Variants in SPMIP2 observed in about 807,000 individuals in gnomAD.
SPMIP2 encodes sperm microtubule inner protein 2.
At chr4:159,035,185 G>C in the SPMIP2 span, 1 of 1,040,618 alleles carries the variant, frequency 9.6e-7, no homozygotes, top group South Asian at 1.4e-5. Context: ...AGACTCTGCA[G>C]TCTTTCCTCT....
the SPMIP2 span, among the ~76,000 whole-genome samples, chr4:159,036,856 T>C: frequency 6.6e-6 from 1 of 152,162 alleles, no homozygotes; most frequent in Non-Finnish European, 1.5e-5. Flanking sequence ...GTTAATTAAT[T>C]CTGGTTCCTA....
the SPMIP2 span, chr4:158,907,207 A>G: frequency 6.6e-6 from 1 of 152,238 alleles, no homozygotes; most frequent in Admixed American, 6.5e-5. Context: ...TTTAGACATG[A>G]CAATGAAAAT....
At chr4:158,967,703 G>C in the SPMIP2 span, among the ~76,000 whole-genome samples, 1 of 152,176 alleles carries the variant, frequency 6.6e-6, no homozygotes, top group Non-Finnish European at 1.5e-5. Context: ...CAAGGTAAAT[G>C]AGAATTTGGG....
chr4:158,956,473 G>A, the SPMIP2 span, among the ~76,000 whole-genome samples: 34 of 152,344 alleles, frequency 2.2e-4, no homozygotes, highest in African/African-American at 7.7e-4. Flanking sequence ...TGAGGCAGGA[G>A]AATGGCTTGA....
the SPMIP2 span, among the ~76,000 whole-genome samples, chr4:159,060,314 T>C: frequency 6.6e-6 from 1 of 152,182 alleles, no homozygotes; most frequent in Non-Finnish European, 1.5e-5. Context: ...GCCAGTCCAA[T>C]AATACTAAGT....
chr4:158,977,438 TCTC>T, the SPMIP2 span, among the ~76,000 whole-genome samples: 1 of 151,846 alleles, frequency 6.6e-6, no homozygotes, highest in African/African-American at 2.4e-5. Flanking sequence ...TCAGTGGTGA[TCTC>T]CCCTTTATCA....
chr4:159,082,575 A>G, the SPMIP2 span, among the ~76,000 whole-genome samples: 1 of 151,896 alleles, frequency 6.6e-6, no homozygotes, highest in Non-Finnish European at 1.5e-5. Context: ...ATAGGAGGTT[A>G]AGAAAGGCAT....
chr4:159,065,876 A>G, the SPMIP2 span, among the ~76,000 whole-genome samples: 1 of 152,176 alleles, frequency 6.6e-6, no homozygotes, highest in African/African-American at 2.4e-5. Flanking sequence ...TTTATAGATA[A>G]GAAAGTTAAG....
At chr4:158,908,820 G>C in the SPMIP2 span, among the ~76,000 whole-genome samples, 1 of 152,170 alleles carries the variant, frequency 6.6e-6, no homozygotes, top group East Asian at 1.9e-4. Context: ...CCAAGTAGCT[G>C]GGGTTACAGG....
the SPMIP2 span, among the ~76,000 whole-genome samples, chr4:159,041,848 A>G: frequency 6.6e-6 from 1 of 152,216 alleles, no homozygotes; most frequent in African/African-American, 2.4e-5. Flanking sequence ...TATCTGCACA[A>G]TAGTGTTATG....
the SPMIP2 span, among the ~76,000 whole-genome samples, chr4:159,039,951 C>T: frequency 3.0e-4 from 46 of 152,188 alleles, no homozygotes; most frequent in Non-Finnish European, 6.3e-4. Context: ...AAATTAGAAG[C>T]TTTTATTATA....
chr4:159,026,591 A>G, the SPMIP2 span: 1 of 421,862 alleles, frequency 2.4e-6, no homozygotes, highest in Non-Finnish European at 4.4e-6. Flanking sequence ...TCAATGGGCA[A>G]ATCTCCATAC....
At chr4:159,067,559 C>A in the SPMIP2 span, among the ~76,000 whole-genome samples, 3 of 152,064 alleles carry the variant, frequency 2.0e-5, no homozygotes, top group Non-Finnish European at 2.9e-5. Flanking sequence ...AAATGACAAA[C>A]AAAAGTAATT....
At chr4:159,017,740 G>A in the SPMIP2 span, among the ~76,000 whole-genome samples, 7 of 152,204 alleles carry the variant, frequency 4.6e-5, no homozygotes, top group African/African-American at 1.7e-4. Flanking sequence ...ATATACCTAA[G>A]TGGATAGGCC....
At chr4:158,917,663 T>C in the SPMIP2 span, among the ~76,000 whole-genome samples, 1 of 150,750 alleles carries the variant, frequency 6.6e-6, no homozygotes, top group Admixed American at 6.6e-5. Context: ...ACCTTTTCCC[T>C]GAAGACTTTT....
the SPMIP2 span, among the ~76,000 whole-genome samples, chr4:158,896,059 A>C: frequency 1.3e-5 from 2 of 152,238 alleles, no homozygotes; most frequent in African/African-American, 2.4e-5. Context: ...TGGGTTTCAC[A>C]CCTACAATCA....
chr4:159,034,942 G>T, the SPMIP2 span: 1 of 887,782 alleles, frequency 1.1e-6, no homozygotes, highest in Non-Finnish European at 1.8e-6. Flanking sequence ...TGTGATCATT[G>T]CATTGTTATA....
At chr4:158,904,484 G>A in the SPMIP2 span, 1 of 1,613,028 alleles carries the variant, frequency 6.2e-7, no homozygotes, top group Non-Finnish European at 8.5e-7. Context: ...CCAACGACCT[G>A]CCTCTGTTGA....
chr4:159,082,449 C>CTGTGTGTGTGTG, the SPMIP2 span, among the ~76,000 whole-genome samples: 1,173 of 111,562 alleles, frequency 0.011, 22 homozygotes, highest in South Asian at 0.039. Flanking sequence ...CCACTTTTCT[C>CTGTGTGTGTGTG]TGTGTGTGTG....
Sources: allele counts gnomAD v4.1 joint callset (sites outside exome capture counted in the v4.1 genomes callset), GRCh38; gene constraint gnomAD v4.1.1; transcripts MANE v1.5; gene names NCBI Gene and HGNC (gene_info 2026-07-23, HGNC 2026-07-21).